Variants in PCDH15 observed in about 807,000 individuals in gnomAD.
PCDH15 encodes the protein protocadherin-15.
Under a neutral mutation model 178.5 loss-of-function variants are expected in PCDH15, and 129 were observed. The ratio of observed to expected loss-of-function variants is 0.72; its 90% confidence interval spans 0.63 to 0.84. PCDH15 has a LOEUF of 0.84. Ranked by LOEUF, PCDH15 falls within the 40% of genes least tolerant of loss-of-function variation. The probability of loss-of-function intolerance (pLI) is 0.00; values close to 1 mark genes in which losing one functional copy is unlikely to be tolerated. For synonymous variants in PCDH15, 800 were observed against 732.0 expected, an observed-to-expected ratio of 1.09 and a Z score of -1.50; for missense variants, 2,230 against 2,099.9, an observed-to-expected ratio of 1.06 and a Z score of -1.21.
intron 2 of PCDH15, among the ~76,000 whole-genome samples, chr10:55,356,213 A>G (rs1050541341): frequency 3.3e-5 from 5 of 151,900 alleles, no homozygotes; most frequent in African/African-American, 2.4e-5. Flanking sequence ...TTGAAAACTA[A>G]TAAAAGGGAA....
At chr10:55,535,752 T>A (rs1841563760) in intron 2 of PCDH15, among the ~76,000 whole-genome samples, 2 of 152,200 alleles carry the variant, frequency 1.3e-5, no homozygotes, top group South Asian at 4.1e-4. Context: ...CATTCTGTAC[T>A]CTTTTTGCCT....
intron 2 of PCDH15, among the ~76,000 whole-genome samples, chr10:55,041,367 G>T (rs1382712576): frequency 6.6e-6 from 1 of 152,110 alleles, no homozygotes; most frequent in African/African-American, 2.4e-5. Context: ...TAGTTTTGGA[G>T]CTAGAACTAA....
At chr10:55,118,090 TC>T (rs1438602895) in intron 2 of PCDH15, among the ~76,000 whole-genome samples, 1 of 152,100 alleles carries the variant, frequency 6.6e-6, no homozygotes, top group African/African-American at 2.4e-5. Context: ...ATTATAACCT[TC>T]TGGAAAAGAA....
At chr10:54,926,717 T>A (rs973132465) in intron 2 of PCDH15, among the ~76,000 whole-genome samples, 4 of 152,212 alleles carry the variant, frequency 2.6e-5, no homozygotes, top group Admixed American at 1.3e-4. Context: ...CCATTCCTTC[T>A]AGATTTTCTA....
rs888066984 is a variant in PCDH15 at position 54,458,048 on chromosome 10, T to C, written c.157+69764A>G. 2.0e-5 allele frequency among the ~76,000 whole-genome samples: 3 copies of C among 152,216 alleles called. No homozygotes were observed. The East Asian group carries it at 5.8e-4, about 29-fold the overall frequency. ...TGCCAAATGAGACTCTATTTTACAA[T>C]AGGGTGTGTATTTCTTATGTATGTT... is the stretch of plus-strand genomic sequence containing the variant. On this transcript the variant is annotated intron_variant, in intron 3 of 37. Coordinates refer to ENST00000644397, the MANE Select transcript of PCDH15 (RefSeq NM_001384140.1).
chr10:55,123,065 G>A (rs971617614), intron 2 of PCDH15, among the ~76,000 whole-genome samples: 1 of 151,716 alleles, frequency 6.6e-6, no homozygotes, highest in African/African-American at 2.4e-5. Context: ...CATGGAAAAA[G>A]GTAGGATATC....
At chr10:54,174,116 G>C (rs1484597485) in intron 13 of PCDH15, among the ~76,000 whole-genome samples, 1 of 152,182 alleles carries the variant, frequency 6.6e-6, no homozygotes, top group Non-Finnish European at 1.5e-5. Flanking sequence ...CTAATTATTT[G>C]AGTGATTTCA....
At chr10:55,388,615 T>C (rs368963850) in intron 2 of PCDH15, among the ~76,000 whole-genome samples, 2 of 152,052 alleles carry the variant, frequency 1.3e-5, no homozygotes, top group South Asian at 2.1e-4. Context: ...TATGTACAAT[T>C]ACAGGGATTC....
At chr10:54,759,011 T>G (rs189963289) in intron 1 of PCDH15, among the ~76,000 whole-genome samples, 2 of 152,262 alleles carry the variant, frequency 1.3e-5, no homozygotes, top group Admixed American at 1.3e-4. Flanking sequence ...GCATGTGACC[T>G]TGGGCATGTC....
chr10:53,965,093 T>C (rs2088857760), intron 21 of PCDH15, among the ~76,000 whole-genome samples: 1 of 151,858 alleles, frequency 6.6e-6, no homozygotes, highest in African/African-American at 2.4e-5. Flanking sequence ...AGTCTTGTAC[T>C]CTTACCCGGG....
At chr10:55,074,898 T>C (rs562278158) in intron 2 of PCDH15, among the ~76,000 whole-genome samples, 1 of 152,312 alleles carries the variant, frequency 6.6e-6, no homozygotes, top group East Asian at 1.9e-4. Context: ...TTGTATAAGG[T>C]ATATGGAAGG....
chr10:54,333,398 C>G (rs1940291398), intron 6 of PCDH15, among the ~76,000 whole-genome samples: 1 of 151,824 alleles, frequency 6.6e-6, no homozygotes, highest in Non-Finnish European at 1.5e-5. Flanking sequence ...CATTCTGTCT[C>G]TAAAATGTAG....
chr10:54,352,521 A>G (rs1351869790), intron 5 of PCDH15, among the ~76,000 whole-genome samples: 1 of 152,178 alleles, frequency 6.6e-6, no homozygotes, highest in African/African-American at 2.4e-5. Flanking sequence ...AGGATACTGA[A>G]TTTTAGATAA....
chr10:55,090,062 A>G (rs1842276849), intron 2 of PCDH15, among the ~76,000 whole-genome samples: 1 of 152,062 alleles, frequency 6.6e-6, no homozygotes, highest in African/African-American at 2.4e-5. Flanking sequence ...AAAATATTAA[A>G]TATTTTTGAG....
At chr10:54,817,625 A>G (rs1952969860) in intron 3 of PCDH15, among the ~76,000 whole-genome samples, 1 of 152,066 alleles carries the variant, frequency 6.6e-6, no homozygotes. Flanking sequence ...AGAAATTCAC[A>G]GTAATTTCAA....
intron 3 of PCDH15, among the ~76,000 whole-genome samples, chr10:54,455,758 C>T: frequency 6.6e-6 from 1 of 152,240 alleles, no homozygotes; most frequent in Non-Finnish European, 1.5e-5. Flanking sequence ...CCATCACAGG[C>T]CTGAAGCCCT....
chr10:55,137,542 T>C (rs1838228152), intron 2 of PCDH15, among the ~76,000 whole-genome samples: 1 of 152,108 alleles, frequency 6.6e-6, no homozygotes, highest in Non-Finnish European at 1.5e-5. Context: ...TCGGGTTTTT[T>C]TTTTTTAAGG....
At chr10:54,786,269 C>T (rs547428804) in intron 1 of PCDH15, among the ~76,000 whole-genome samples, 98 of 152,098 alleles carry the variant, frequency 6.4e-4, no homozygotes, top group Non-Finnish European at 1.1e-3. Flanking sequence ...TCGAATGTAG[C>T]TTTTGAATGA....
chr10:54,116,147 T>TAAAG, intron 15 of PCDH15, among the ~76,000 whole-genome samples: 1 of 143,204 alleles, frequency 7.0e-6, no homozygotes, highest in Non-Finnish European at 1.5e-5. Context: ...AATTTTTAAA[T>TAAAG]AAAGAAGAAA....
Sources: gnomAD v4.1 joint callset for allele counts (sites outside exome capture counted in the v4.1 genomes callset) on GRCh38, gnomAD v4.1.1 for gene constraint, MANE v1.5 for transcripts, NCBI Gene and HGNC (gene_info 2026-07-23, HGNC 2026-07-21) for gene names.